NBAS: variants seen among roughly 807,000 people sequenced by gnomAD.
The protein encoded by NBAS is NAG/BC035112 fusion.
In NBAS, 219 loss-of-function variants were observed where a neutral mutation model predicts 302.5. The observed-to-expected ratio is 0.72, with a 90% CI of 0.65 to 0.81. The LOEUF (loss-of-function observed/expected upper bound fraction) is 0.81, where lower values mean the gene tolerates loss of function less well. Ranked by LOEUF, NBAS falls within the 30% of genes least tolerant of loss-of-function variation. The pLI is 0.00. For missense variants in NBAS, 2,932 were observed against 2,841.6 expected, an observed-to-expected ratio of 1.03 and a Z score of -0.72; for synonymous variants, 1,118 against 1,021.6, an observed-to-expected ratio of 1.09 and a Z score of -1.80.
chr2:14,842,644 CA>C, the NBAS span, among the ~76,000 whole-genome samples: 3 of 151,752 alleles, frequency 2.0e-5, no homozygotes, highest in East Asian at 5.8e-4. Context: ...CTTCATCAAA[CA>C]AAAAACAAGA....
chr2:15,342,767 T>C (rs572359119), intron 35 of NBAS, among the ~76,000 whole-genome samples: 5 of 152,120 alleles, frequency 3.3e-5, no homozygotes, highest in Non-Finnish European at 7.4e-5. Context: ...TATTTTATCA[T>C]AGATGTTTCA....
chr2:15,344,547 G>A (rs1031256903), intron 35 of NBAS, among the ~76,000 whole-genome samples: 1 of 152,082 alleles, frequency 6.6e-6, no homozygotes, highest in Non-Finnish European at 1.5e-5. Flanking sequence ...AAAAGCCCAG[G>A]ACCAGATGGA....
rs939165758 is a variant in NBAS, at chr2:15,511,224, G to A, written c.873C>T (p.Asp291=). 30 of 1,613,840 alleles carry A rather than the reference G, an allele frequency of 1.9e-5. No individual in the cohort carries two copies. The highest frequency in any genetic ancestry group is 5.0e-5 in the Admixed American group (3 of 59,980). The change falls in exon 10 of 52, where the codon GAC becomes GAT. Residue 291 remains aspartate, a synonymous_variant. Coordinates refer to ENST00000281513, the MANE Select transcript of NBAS (RefSeq NM_015909.4). The part of the protein sequence containing the change: ...PYYKQVTNGG[D]GVTAVPKTLG... ...AACTCATACTTACTGCAGTAACCCC[G>A]TCTCCACCATTAGTAACCTGCTTAT...
chr2:14,987,560 T>C, the NBAS span, among the ~76,000 whole-genome samples: 1 of 152,012 alleles, frequency 6.6e-6, no homozygotes, highest in Non-Finnish European at 1.5e-5. Context: ...TTGGGAAGTA[T>C]ACTATGCAGA....
chr2:15,401,913 T>C (rs938945039), intron 26 of NBAS, among the ~76,000 whole-genome samples: 16 of 146,640 alleles, frequency 1.1e-4, no homozygotes, highest in African/African-American at 3.8e-4. Context: ...TGTTTTTCAA[T>C]AGGAAATTAT....
At chr2:15,443,045 T>C (rs375589269) in intron 21 of NBAS, among the ~76,000 whole-genome samples, 8 of 151,402 alleles carry the variant, frequency 5.3e-5, no homozygotes, top group South Asian at 4.2e-4. Context: ...CAGGACCAGA[T>C]GGATTCACAG....
intron 21 of NBAS, among the ~76,000 whole-genome samples, chr2:15,442,732 T>A (rs1377184668): frequency 6.6e-6 from 1 of 151,282 alleles, no homozygotes; most frequent in African/African-American, 2.4e-5. Context: ...TTTGAAAGGA[T>A]CAACAAAATT....
the NBAS span, among the ~76,000 whole-genome samples, chr2:15,054,316 T>C: frequency 5.9e-5 from 9 of 152,226 alleles, no homozygotes; most frequent in South Asian, 2.1e-4. Flanking sequence ...CCACATCTGC[T>C]GGTTTCTGAA....
chr2:14,949,628 C>T, the NBAS span, among the ~76,000 whole-genome samples: 239 of 151,742 alleles, frequency 1.6e-3, no homozygotes, highest in African/African-American at 4.9e-3. Flanking sequence ...AATGAATGAA[C>T]GGATAAAGAA....
At chr2:15,198,801 G>A (rs903203872) in intron 48 of NBAS, among the ~76,000 whole-genome samples, 1 of 152,152 alleles carries the variant, frequency 6.6e-6, no homozygotes, top group Admixed American at 6.5e-5. Context: ...CCCAATGTAT[G>A]TGCATACTAT....
At chr2:15,015,423 T>G in the NBAS span, among the ~76,000 whole-genome samples, 3 of 152,026 alleles carry the variant, frequency 2.0e-5, no homozygotes, top group African/African-American at 7.2e-5. Context: ...AACAATACAT[T>G]AAAAGGTCAT....
rs749416685 is a variant in NBAS, at chr2:15,167,142, G to A, written c.7022C>T (p.Ala2341Val). ...GRHLREAGHE[A>V]EAGSLLLAVR... ...GGCCAGAAGGAGAGACCCGGCTTCG[G>A]CTTCATGGCCGGCCTCCCGCAGGTG... Residue 2341 changes from alanine (A) to valine (V), a missense_variant, in exon 52 of 52, where the codon GCC (alanine) becomes GTC (valine). Ala to Val is a moderately conservative substitution (Grantham distance 64). Coordinates refer to ENST00000281513, the MANE Select transcript of NBAS (RefSeq NM_015909.4). The A allele has an allele frequency of 2.8e-5, 46 of 1,614,148 alleles. No individual in the cohort carries two copies. The highest frequency in any genetic ancestry group is 3.7e-5 in the Non-Finnish European group (44 of 1,180,050).
intron 47 of NBAS, among the ~76,000 whole-genome samples, 163 bp from the exon 48 acceptor site, chr2:15,219,131 T>C (rs1270984610): frequency 6.6e-6 from 1 of 152,240 alleles, no homozygotes; most frequent in Non-Finnish European, 1.5e-5. Flanking sequence ...TACAGCGAAC[T>C]GTATTAGGTA....
intron 39 of NBAS, 53 bp from the exon 40 acceptor site, chr2:15,308,406 A>C: frequency 6.3e-7 from 1 of 1,579,166 alleles, no homozygotes; most frequent in Non-Finnish European, 8.6e-7. Context: ...TATGAAGATC[A>C]TTATAAACCA....
chr2:15,081,259 A>T, the NBAS span, among the ~76,000 whole-genome samples: 5 of 151,834 alleles, frequency 3.3e-5, no homozygotes, highest in East Asian at 5.8e-4. Context: ...ATCATTGTTA[A>T]CTCCTCACTC....
chr2:15,009,876 G>A, the NBAS span, among the ~76,000 whole-genome samples: 19 of 151,884 alleles, frequency 1.3e-4, no homozygotes, highest in East Asian at 7.7e-4. Context: ...AACTAGAACC[G>A]CAAAATTATG....
the NBAS span, among the ~76,000 whole-genome samples, chr2:15,130,353 C>T: frequency 6.6e-6 from 1 of 151,996 alleles, no homozygotes; most frequent in Non-Finnish European, 1.5e-5. Flanking sequence ...TAATATTTTT[C>T]TCTGGAGTAT....
the NBAS span, among the ~76,000 whole-genome samples, chr2:14,944,144 C>CA: frequency 1.3e-5 from 2 of 152,032 alleles, no homozygotes; most frequent in Non-Finnish European, 2.9e-5. Flanking sequence ...CTAAAAAATA[C>CA]AAAAAATTAG....
intron 21 of NBAS, among the ~76,000 whole-genome samples, chr2:15,454,995 T>C (rs1223917760): frequency 2.0e-5 from 3 of 151,782 alleles, no homozygotes; most frequent in African/African-American, 7.3e-5. Flanking sequence ...CTCTGCCTCA[T>C]GGGTTCAAGC....
Sources: allele counts gnomAD v4.1 joint callset (sites outside exome capture counted in the v4.1 genomes callset), GRCh38; gene constraint gnomAD v4.1.1; transcripts MANE v1.5; gene names NCBI Gene and HGNC (gene_info 2026-07-23, HGNC 2026-07-21).